PRKD1: variants seen among roughly 807,000 people sequenced by gnomAD.
PRKD1 encodes the protein serine/threonine-protein kinase D1.
In PRKD1, 63 loss-of-function variants were observed where a neutral mutation model predicts 95.9. The ratio of observed to expected loss-of-function variants is 0.66; its 90% CI spans 0.54 to 0.81. PRKD1 has a LOEUF of 0.81. PRKD1 is among the 30% of genes least tolerant of loss of function. The pLI is 0.00. For synonymous variants in PRKD1, 425 were observed against 423.1 expected (o/e 1.00, Z -0.05); for missense variants, 1,048 against 1,165.3 (o/e 0.90, Z 1.47).
chr14:29,735,238 T>A (rs931429291), intron 1 of PRKD1, among the ~76,000 whole-genome samples: 1 of 152,142 alleles, frequency 6.6e-6, no homozygotes, highest in Non-Finnish European at 1.5e-5. Context: ...AAGAGTGCAT[T>A]TTTAGGATAA....
At chr14:29,904,475 T>C (rs901604178) in intron 1 of PRKD1, among the ~76,000 whole-genome samples, 4 of 152,220 alleles carry the variant, frequency 2.6e-5, no homozygotes, top group African/African-American at 9.6e-5. Context: ...TAGGTTCTTT[T>C]GCAAATTAAA....
chr14:29,833,246 T>C (rs1232211680), intron 1 of PRKD1, among the ~76,000 whole-genome samples: 1 of 151,972 alleles, frequency 6.6e-6, no homozygotes, highest in Non-Finnish European at 1.5e-5. Context: ...AAATAGTATG[T>C]TAAGTAGCTC....
At chr14:29,883,649 A>AGTTAT (rs1178276609) in intron 1 of PRKD1, among the ~76,000 whole-genome samples, 28 of 152,160 alleles carry the variant, frequency 1.8e-4, no homozygotes, top group African/African-American at 6.0e-4. Flanking sequence ...CTGATTTCTG[A>AGTTAT]GTTATACTTG....
intron 16 of PRKD1, among the ~76,000 whole-genome samples, chr14:29,587,942 T>A (rs1892992746): frequency 6.6e-6 from 1 of 152,180 alleles, no homozygotes; most frequent in Non-Finnish European, 1.5e-5. Flanking sequence ...TCTGATTAAA[T>A]TTCCTGGCAC....
intron 4 of PRKD1, among the ~76,000 whole-genome samples, chr14:29,663,100 A>C (rs1015553592): frequency 6.9e-6 from 1 of 145,844 alleles, no homozygotes; most frequent in Non-Finnish European, 1.5e-5. Flanking sequence ...TATATAATAT[A>C]TATAATATAT....
chr14:29,919,818 C>A (rs1482285073), intron 1 of PRKD1, among the ~76,000 whole-genome samples: 2 of 151,954 alleles, frequency 1.3e-5, no homozygotes, highest in African/African-American at 4.8e-5. Flanking sequence ...TACAGAAAAT[C>A]ATCCAGGCGT....
intron 1 of PRKD1, among the ~76,000 whole-genome samples, chr14:29,782,223 T>C (rs981706129): frequency 5.9e-5 from 9 of 152,184 alleles, no homozygotes; most frequent in Admixed American, 2.6e-4. Context: ...TATCAATGGT[T>C]TTCTGTGTCT....
At chr14:29,910,686 A>G (rs1344223620) in intron 1 of PRKD1, among the ~76,000 whole-genome samples, 2 of 152,196 alleles carry the variant, frequency 1.3e-5, no homozygotes, top group Admixed American at 1.3e-4. Flanking sequence ...TCAAGGAAGG[A>G]ATTTGAGACT....
chr14:29,828,085 C>T (rs1891267766), intron 1 of PRKD1, among the ~76,000 whole-genome samples: 1 of 152,114 alleles, frequency 6.6e-6, no homozygotes, highest in South Asian at 2.1e-4. Flanking sequence ...AATTCTCTTA[C>T]CTAATAATAA....
At chr14:29,909,801 G>A (rs988907740) in intron 1 of PRKD1, among the ~76,000 whole-genome samples, 1 of 152,116 alleles carries the variant, frequency 6.6e-6, no homozygotes, top group East Asian at 1.9e-4. Flanking sequence ...CTAAAGGATT[G>A]TAAACACACC....
intron 16 of PRKD1, among the ~76,000 whole-genome samples, chr14:29,590,726 A>G (rs1893097149): frequency 6.6e-6 from 1 of 152,146 alleles, no homozygotes; most frequent in Admixed American, 6.6e-5. Flanking sequence ...CATATCTTCA[A>G]ACCTATACCC....
In PRKD1 at chr14:29,663,639, A is replaced by T. The variant is rs1446555322; in HGVS notation, c.696+60T>A. 12 of 1,571,468 alleles carry T rather than the reference A, an allele frequency of 7.6e-6. No homozygotes were observed. In the East Asian group the frequency reaches 2.7e-4, roughly 35 times the overall value. ...CGCCCTGTCTTGGATTGACATTGCTATCACATCACCCCACAGATTTCTCAT... is the reference window on the plus strand; with the variant it reads ...CGCCCTGTCTTGGATTGACATTGCTTTCACATCACCCCACAGATTTCTCAT... On this transcript the variant is annotated intron_variant, in intron 4 of 17. Transcript: ENST00000331968.
At chr14:29,584,076 C>G (rs1892835176) in intron 16 of PRKD1, among the ~76,000 whole-genome samples, 1 of 152,120 alleles carries the variant, frequency 6.6e-6, no homozygotes, top group South Asian at 2.1e-4. Flanking sequence ...ACAAGGATAC[C>G]TGAACAAAGA....
At chr14:29,890,738 T>C (rs1340185680) in intron 1 of PRKD1, among the ~76,000 whole-genome samples, 6 of 152,318 alleles carry the variant, frequency 3.9e-5, no homozygotes, top group East Asian at 1.9e-4. Flanking sequence ...TAGTTTATGA[T>C]TGCATGAAGT....
intron 2 of PRKD1, among the ~76,000 whole-genome samples, chr14:29,671,944 A>C (rs1203488985): frequency 6.6e-6 from 1 of 152,228 alleles, no homozygotes; most frequent in Non-Finnish European, 1.5e-5. Context: ...TGAAAGATAA[A>C]AGAGAGAGAT....
rs535605421 is a variant in PRKD1, at chr14:29,856,098, A to G, written c.264+71151T>C. Reference sequence around the variant, plus strand: ...ATGCATCTGGATGAAGGATGGCACCATACAAAGAATATTGCATCCGATACC... The same window carrying G: ...ATGCATCTGGATGAAGGATGGCACCGTACAAAGAATATTGCATCCGATACC... On this transcript the variant is annotated intron_variant, in intron 1 of 17. Transcript: ENST00000331968. 4.6e-5 allele frequency among the ~76,000 whole-genome samples: 7 copies of G among 152,304 alleles called. No homozygotes were observed. The South Asian group carries it at 1.5e-3, about 32-fold the overall frequency.
At chr14:29,814,405 GCTGA>G (rs1174062275) in intron 1 of PRKD1, among the ~76,000 whole-genome samples, 1 of 152,190 alleles carries the variant, frequency 6.6e-6, no homozygotes, top group Non-Finnish European at 1.5e-5. Flanking sequence ...CGCAGTGCTG[GCTGA>G]CTATCAATGT....
intron 1 of PRKD1, among the ~76,000 whole-genome samples, chr14:29,908,367 C>G (rs577381211): frequency 7.2e-5 from 11 of 152,284 alleles, no homozygotes; most frequent in African/African-American, 2.6e-4. Context: ...CATGATAGCT[C>G]AACGCGACCT....
chr14:29,579,564 G>A (rs1272695506), intron 16 of PRKD1, among the ~76,000 whole-genome samples: 1 of 152,048 alleles, frequency 6.6e-6, no homozygotes, highest in Admixed American at 6.6e-5. Context: ...AACCTGTATG[G>A]ACCTGAAGAT....
Sources: allele counts gnomAD v4.1 joint callset (sites outside exome capture counted in the v4.1 genomes callset), GRCh38; gene constraint gnomAD v4.1.1; transcripts MANE v1.5; gene names NCBI Gene and HGNC (gene_info 2026-07-23, HGNC 2026-07-21).